Variants in NBPF26 observed in about 807,000 individuals in gnomAD.
The protein encoded by NBPF26 is NBPF member 26.
A neutral mutation model predicts 119.6 loss-of-function variants in NBPF26; 79 were observed. The ratio of observed to expected loss-of-function variants is 0.66; its 90% CI spans 0.55 to 0.80. NBPF26 has a LOEUF of 0.80. Ranked by LOEUF, NBPF26 falls within the 30% of genes least tolerant of loss-of-function variation. The probability of loss-of-function intolerance (pLI) is 0.00; values close to 1 mark genes in which losing one functional copy is unlikely to be tolerated. For missense variants in NBPF26, 800 were observed against 1,198.2 expected (o/e 0.67, Z 4.91); for synonymous variants, 299 against 457.7 (o/e 0.65, Z 4.43).
At chr1:120,840,741 A>T, downstream of NBPF26, 1 of 1,156,308 alleles carries the variant, frequency 8.6e-7, no homozygotes, top group South Asian at 1.5e-5. Context: ...AAACCATGCC[A>T]GTGGCAACCT....
Position 120,810,798 on chromosome 1 carries a change from C to G in NBPF26, c.1564+240C>G, listed in dbSNP as rs1257544087. Reference sequence around the variant, plus strand: ...GTGAAACCCATCTTTACAAAGAATACAAAAAATTAGGCAGGCATGGTGCTG... The same window carrying G: ...GTGAAACCCATCTTTACAAAGAATAGAAAAAATTAGGCAGGCATGGTGCTG... On this transcript the variant is annotated intron_variant, in intron 9 of 29. Coordinates refer to ENST00000620612, the Ensembl canonical transcript of NBPF26. Among the ~76,000 whole-genome samples, 3 of 110,110 alleles carry G rather than the reference C, an allele frequency of 2.7e-5. 1 individual carries two copies. In the South Asian group the frequency reaches 7.7e-4, roughly 28 times the overall value. 72.2% of individuals were successfully genotyped at this position (110,110 alleles called of 152,430 possible).
downstream of NBPF26, among the ~76,000 whole-genome samples, chr1:120,842,047 G>T (rs1553273746): frequency 7.2e-4 from 71 of 99,000 alleles, 23 homozygotes; most frequent in African/African-American, 4.6e-3. Flanking sequence ...AACATTCTCT[G>T]CCTGAGTTTT....
intron 4 of NBPF26, among the ~76,000 whole-genome samples, chr1:120,802,700 G>A (rs1651595783): frequency 8.4e-6 from 1 of 119,454 alleles, no homozygotes; most frequent in Non-Finnish European, 1.6e-5. Context: ...TCATAGGTAA[G>A]TAAGGAAGTC....
At chr1:120,781,783 C>T (rs1651364452) in intron 2 of NBPF26, among the ~76,000 whole-genome samples, 1 of 116,698 alleles carries the variant, frequency 8.6e-6, no homozygotes. Context: ...TGGTCTCGAT[C>T]TCCTGACCTG....
Position 120,809,848 on chromosome 1 carries a change from G to A in NBPF26, c.1317G>A (p.Glu439=), listed in dbSNP as rs1553270727. ...ATGAGGATGAAGATGTTCAAGTTGAGGAGGATGAGAAAGTACTGGAATCAT... is the reference window on the plus strand; with the variant it reads ...ATGAGGATGAAGATGTTCAAGTTGAAGAGGATGAGAAAGTACTGGAATCAT... The change falls in exon 8 of 30, where the codon GAG becomes GAA. Residue 439 remains glutamate, a synonymous_variant. Transcript: ENST00000620612. 7.4e-6 allele frequency: 11 copies of A among 1,488,518 alleles called. No homozygotes were observed. In the African/African-American group the frequency reaches 2.1e-4, roughly 28 times the overall value. The allele number at this position is 1,488,518 out of a possible 1,614,324, so 92.2% of individuals were successfully genotyped here.
intron 11 of NBPF26, 142 bp from the exon 12 acceptor site, chr1:120,814,687 C>G: frequency 1.6e-6 from 1 of 629,078 alleles, no homozygotes; most frequent in Non-Finnish European, 2.8e-6. Context: ...TTTCTCTTGG[C>G]CACAGACATT....
exon 10 of NBPF26, chr1:120,811,963 A>T: frequency 8.1e-7 from 1 of 1,239,092 alleles, no homozygotes; most frequent in South Asian, 1.3e-5. Context: ...GAAGGCAGCG[A>T]TAAACATTCT....
In NBPF26 at chr1:120,806,101, C is replaced by T. The variant is rs1553269876; in HGVS notation, c.961+336C>T. Among the ~76,000 whole-genome samples the T allele has an allele frequency of 2.9e-5, 3 of 104,730 alleles. 1 individual carries two copies. The highest frequency in any genetic ancestry group is 5.5e-5 in the Non-Finnish European group (3 of 54,962). The allele number at this position is 104,730 out of a possible 152,430, so 68.7% of individuals were successfully genotyped here. On this transcript the variant is annotated intron_variant, in intron 5 of 29. Coordinates refer to ENST00000620612, the Ensembl canonical transcript of NBPF26. ...CATATAAGATCCTGCAGACAAATAA[C>T]ATCTAGTCTGTTGTTCTAAATGTCT...
intron 1 of NBPF26, among the ~76,000 whole-genome samples, chr1:120,760,078 T>C (rs1282018409): frequency 2.0e-5 from 2 of 99,646 alleles, no homozygotes; most frequent in Non-Finnish European, 3.6e-5. Flanking sequence ...CTGTGCCTTA[T>C]TTCACTTAGC....
rs1434246654 is a variant in NBPF26 at position 120,815,328 on chromosome 1, C to T, written c.2092+285C>T. On this transcript the variant is annotated intron_variant, in intron 12 of 29. Transcript: ENST00000620612. ...GACAGGAAGGAGGCTGGGATGGGAG[C>T]AGGCTTGTTAGAGTGAAAAGAGCTC... Among the ~76,000 whole-genome samples, 4 of 116,726 alleles carry T rather than the reference C, an allele frequency of 3.4e-5. 2 individuals carry two copies. Among genetic ancestry groups the T allele is most frequent in the Non-Finnish European group, 6.6e-5 (4 of 60,944 alleles). 76.6% of individuals were successfully genotyped at this position (116,726 alleles called of 152,430 possible). A position where few individuals can be genotyped will look rare whatever the true frequency, so the allele number is the denominator to read the frequency against.
chr1:120,765,700 A>G (rs1651183581), intron 2 of NBPF26, among the ~76,000 whole-genome samples: 1 of 108,648 alleles, frequency 9.2e-6, no homozygotes, highest in Admixed American at 9.3e-5. Context: ...CTGCAGCACT[A>G]TTTACAGTAG....
intron 9 of NBPF26, 89 bp downstream of exon 9, chr1:120,810,647 T>C: frequency 8.3e-6 from 11 of 1,319,216 alleles, no homozygotes; most frequent in Middle Eastern, 2.2e-4. Flanking sequence ...CATATTGTTA[T>C]TGTTTTAGTC....
At chr1:120,822,069 ATCT>A in intron 15 of NBPF26, 32 bp from the exon 16 acceptor site, 3 of 1,447,774 alleles carry the variant, frequency 2.1e-6, no homozygotes, top group South Asian at 2.4e-5. Context: ...TGTTGGTTAA[ATCT>A]TCTGTCATCC....
In NBPF26 at chr1:120,816,811, T is replaced by C; in HGVS notation, c.2355T>C (p.Ala785=). The change falls in exon 14 of 30, where the codon GCT becomes GCC. Residue 785 remains alanine (A), a synonymous_variant. Transcript: ENST00000620612. ...CCTCTCATGTTGAATGGGAGGATGC[T>C]GTACACATTATTCCAGGTAGCCTCT... 1.4e-6 allele frequency: 2 copies of C among 1,445,412 alleles called. 1 individual carries two copies. The highest frequency in any genetic ancestry group is 1.9e-6 in the Non-Finnish European group (2 of 1,080,750). The allele number at this position is 1,445,412 out of a possible 1,614,324, so 89.5% of individuals were successfully genotyped here.
At chr1:120,814,770 A>C in intron 11 of NBPF26, 59 bp from the exon 12 acceptor site, 1 of 1,067,054 alleles carries the variant, frequency 9.4e-7, no homozygotes, top group East Asian at 2.3e-5. Context: ...CTGTTGCAAT[A>C]TTTGAGCGGA....
rs1329214263 is a variant in NBPF26 at position 120,777,733 on chromosome 1, C to A, written c.156-7241C>A. Among the ~76,000 whole-genome samples the A allele has an allele frequency of 6.7e-5, 6 of 89,874 alleles. 1 individual carries two copies. The East Asian group carries it at 1.7e-3, about 25-fold the overall frequency. The allele number at this position is 89,874 out of a possible 152,430, so 59.0% of individuals were successfully genotyped here. Reference sequence around the variant, plus strand: ...GAAGTAGTATGACAGAGCTTCTTCTCTTTTTTTCCCCTCTTTACCAGGAAG... The same window carrying A: ...GAAGTAGTATGACAGAGCTTCTTCTATTTTTTTCCCCTCTTTACCAGGAAG... On this transcript the variant is annotated intron_variant, in intron 2 of 29. Coordinates refer to ENST00000620612, the Ensembl canonical transcript of NBPF26.
Position 120,764,311 on chromosome 1 carries a change from G to C in NBPF26, c.155+602G>C, listed in dbSNP as rs1488259387. 1.6e-4 allele frequency among the ~76,000 whole-genome samples: 17 copies of C among 104,800 alleles called. 3 individuals carry two copies. Among genetic ancestry groups the C allele is most frequent in the Non-Finnish European group, 2.7e-4 (15 of 55,884 alleles). The allele number at this position is 104,800 out of a possible 152,430, so 68.8% of individuals were successfully genotyped here. A position where few individuals can be genotyped will look rare whatever the true frequency, so the allele number is the denominator to read the frequency against. ...GATTCCCTTGTGTTTTTCAGATTAA[G>C]GCATACTCTTAGAGTCTCCCCTTAA... On this transcript the variant is annotated intron_variant, in intron 2 of 29. Transcript: ENST00000620612.
rs1162670893 is a variant in NBPF26, at chr1:120,811,056, C to T, written c.1564+498C>T. ...GAGATTGAGACCATCCTGGCTAACA[C>T]GGTGAAACCCCGTCTTTACTAAAAA... On this transcript the variant is annotated intron_variant, in intron 9 of 29. Coordinates refer to ENST00000620612, the Ensembl canonical transcript of NBPF26. Among the ~76,000 whole-genome samples the T allele has an allele frequency of 1.1e-4, 11 of 96,476 alleles. 2 individuals carry two copies. The highest frequency in any genetic ancestry group is 5.9e-4 in the Admixed American group (6 of 10,224). The allele number at this position is 96,476 out of a possible 152,430, so 63.3% of individuals were successfully genotyped here. A position where few individuals can be genotyped will look rare whatever the true frequency, so the allele number is the denominator to read the frequency against.
At chr1:120,840,757 C>T (rs1397256850), downstream of NBPF26, 269 of 1,085,312 alleles carry the variant, frequency 2.5e-4, 37 homozygotes, top group Non-Finnish European at 3.2e-4. Context: ...AACCTGTGCT[C>T]AGTCTGAAGA....
Sources: gnomAD v4.1 joint callset for allele counts (sites outside exome capture counted in the v4.1 genomes callset) on GRCh38, gnomAD v4.1.1 for gene constraint, MANE v1.5 for transcripts, NCBI Gene and HGNC (gene_info 2026-07-23, HGNC 2026-07-21) for gene names.